Variants in FGF20 observed in about 807,000 individuals in gnomAD.
FGF20 encodes the protein fibroblast growth factor 20.
Under a neutral mutation model 16.7 loss-of-function variants are expected in FGF20, and 8 were observed. The observed-to-expected ratio is 0.48, with a 90% CI of 0.28 to 0.87. The LOEUF (loss-of-function observed/expected upper bound fraction) is 0.87. FGF20 is among the 40% of genes least tolerant of loss of function. The pLI is 0.10. For synonymous variants in FGF20, 161 were observed against 118.6 expected, an observed-to-expected ratio of 1.36 and a Z score of -2.32; for missense variants, 397 against 281.4, an observed-to-expected ratio of 1.41 and a Z score of -2.94.
Position 17,001,816 on chromosome 8 carries a change from T to C in FGF20, c.217A>G (p.Thr73Ala), listed in dbSNP as rs1402401757. Residue 73 changes from threonine to alanine, a missense_variant, in exon 1 of 3, where the codon ACC (threonine) becomes GCC (alanine). Physicochemically the swap from Thr to Ala is moderately conservative, Grantham distance 58. Coordinates refer to ENST00000180166, the MANE Select transcript of FGF20 (RefSeq NM_019851.3). Reference protein sequence around the residue: ...ILRRRQLYCRTGFHLQILPDG... With the variant: ...ILRRRQLYCRAGFHLQILPDG... The stretch of plus-strand genomic sequence containing the variant: ...GGCAGGATCTGCAGGTGGAAGCCGG[T>C]GCGGCAATAGAGCTGCCGGCGGCGC... 1.3e-6 allele frequency: 2 copies of C among 1,554,220 alleles called. No individual in the cohort carries two copies. The highest frequency in any genetic ancestry group is 2.6e-5 in the East Asian group (1 of 38,046).
chr8:17,001,409 G>A (rs1810177674), intron 1 of FGF20, among the ~76,000 whole-genome samples: 1 of 152,086 alleles, frequency 6.6e-6, no homozygotes, highest in South Asian at 2.1e-4. Context: ...CCGTGATGCC[G>A]AGTGCACCAG....
At chr8:16,999,696 T>TG (rs1810138256) in intron 1 of FGF20, among the ~76,000 whole-genome samples, 1 of 148,250 alleles carries the variant, frequency 6.7e-6, no homozygotes, top group African/African-American at 2.5e-5. Flanking sequence ...TAATTTTTTT[T>TG]TTTTTTTTGT....
At position 16,993,118 on chromosome 8, in the gene FGF20, G is replaced by T; in HGVS notation, c.590C>A (p.Pro197Gln). Reference sequence around the variant, plus strand: ...CTTGTACAATTCTGGAACTCTTTCTGGATCCACTGGTCTAGGTAAGAAATG... The same window carrying T: ...CTTGTACAATTCTGGAACTCTTTCTTGATCCACTGGTCTAGGTAAGAAATG... Reference protein sequence around the residue: ...FTHFLPRPVDPERVPELYKDL... With the variant: ...FTHFLPRPVDQERVPELYKDL... The change falls in exon 3 of 3, where the codon CCA (proline) becomes CAA (glutamine). Residue 197 changes from proline to glutamine, a missense_variant. Physicochemically the swap from Pro to Gln is moderately conservative, Grantham distance 76. Coordinates refer to ENST00000180166, the MANE Select transcript of FGF20 (RefSeq NM_019851.3). 1 of 1,613,978 alleles carries T rather than the reference G, an allele frequency of 6.2e-7. No homozygotes were observed. The highest frequency in any genetic ancestry group is 8.5e-7 in the Non-Finnish European group (1 of 1,179,952).
rs992812765 is a variant in FGF20 at position 17,001,904 on chromosome 8, C to T, written c.129G>A (p.Ala43=). 6.8e-7 allele frequency: 1 copy of T among 1,467,206 alleles called. No homozygotes were observed. The allele number at this position is 1,467,206 out of a possible 1,614,324, so 90.9% of individuals were successfully genotyped here. The change falls in exon 1 of 3, where the codon GCG becomes GCA. Residue 43 remains alanine (A), a synonymous_variant. Transcript: ENST00000180166. ...GCCCGCCGCGCGCGCTCCGCTCCGCCGCGCTCCTGCGCTCGCCCAGCAGCG... is the reference window on the plus strand; with the variant it reads ...GCCCGCCGCGCGCGCTCCGCTCCGCTGCGCTCCTGCGCTCGCCCAGCAGCG... ...RPPLLGERRS[A]AERSARGGPG...
chr8:16,993,707 T>A (rs1809974247), intron 2 of FGF20, among the ~76,000 whole-genome samples: 1 of 152,180 alleles, frequency 6.6e-6, no homozygotes, highest in Admixed American at 6.5e-5. Flanking sequence ...TAATATAGAA[T>A]CAGTGGGAGC....
chr8:16,997,032 T>C (rs1810068967), intron 1 of FGF20, among the ~76,000 whole-genome samples: 1 of 152,238 alleles, frequency 6.6e-6, no homozygotes, highest in South Asian at 2.1e-4. Flanking sequence ...TTAAATATGA[T>C]AGCCAAATAT....
intron 1 of FGF20, among the ~76,000 whole-genome samples, chr8:16,996,904 T>G (rs1203121707): frequency 6.6e-6 from 1 of 152,252 alleles, no homozygotes; most frequent in African/African-American, 2.4e-5. Context: ...CACTGTTTCT[T>G]GAGGACAATA....
rs745659538 is a variant in FGF20 at position 17,001,756 on chromosome 8, T to C, written c.277A>G (p.Ser93Gly). ...GSVQGTRQDH[S>G]LFGILEFISV... ...GGATGCTAGTACGTACCGAAGAGGC[T>C]GTGGTCCTGCCGGGTGCCCTGCACG... Residue 93 changes from serine (S) to glycine (G), a missense_variant, in exon 1 of 3, where the codon AGC becomes GGC. Ser to Gly is a moderately conservative substitution (Grantham distance 56). Coordinates refer to ENST00000180166, the MANE Select transcript of FGF20 (RefSeq NM_019851.3). 2 of 1,579,952 alleles carry C rather than the reference T, an allele frequency of 1.3e-6. No homozygotes were observed. Among genetic ancestry groups the C allele is most frequent in the South Asian group, 1.1e-5 (1 of 88,182 alleles).
intron 1 of FGF20, 146 bp from the exon 2 acceptor site, chr8:16,995,904 A>G (rs944708433): frequency 2.0e-5 from 10 of 508,326 alleles, no homozygotes; most frequent in Admixed American, 3.6e-5. Flanking sequence ...TGTACACTGG[A>G]AACAGCTATG....
intron 1 of FGF20, among the ~76,000 whole-genome samples, chr8:17,000,191 A>G (rs1810150390): frequency 6.6e-6 from 1 of 152,096 alleles, no homozygotes; most frequent in South Asian, 2.1e-4. Context: ...TTTAAAAACC[A>G]CTTTCTAAAA....
chr8:16,993,385 A>G lies in FGF20; in HGVS notation c.391-68T>C, dbSNP rs548949806. 4.6e-5 allele frequency: 66 copies of G among 1,420,928 alleles called. No homozygotes were observed. In the Middle Eastern group the frequency reaches 7.6e-4, roughly 16 times the overall value. The allele number at this position is 1,420,928 out of a possible 1,614,324, so 88.0% of individuals were successfully genotyped here. ...TTGAGATAATTTCCTTACAAGTTTCAACTCTATATTTTCATTTCTTTGCCT... is the reference window on the plus strand; with the variant it reads ...TTGAGATAATTTCCTTACAAGTTTCGACTCTATATTTTCATTTCTTTGCCT... On this transcript the variant is annotated intron_variant, in intron 2 of 2. Transcript: ENST00000180166.
chr8:16,997,324 C>T (rs963350744), intron 1 of FGF20, among the ~76,000 whole-genome samples: 1 of 152,100 alleles, frequency 6.6e-6, no homozygotes, highest in Admixed American at 6.6e-5. Flanking sequence ...CTACCTTCAC[C>T]CCTTCACCCC....
chr8:16,998,572 C>A (rs17515034), intron 1 of FGF20, among the ~76,000 whole-genome samples: 1 of 152,068 alleles, frequency 6.6e-6, no homozygotes, highest in East Asian at 1.9e-4. Context: ...TTTTCTAATG[C>A]CCAGTGTCCC....
At position 16,993,090 on chromosome 8, in the gene FGF20, GT is replaced by G; in HGVS notation, c.617del (p.Asp206AlafsTer3). ...TCGCACTTCAAGTGTACATCAGTAGGTCCTTGTACAATTCTGGAACTCTTTC... is the reference window on the plus strand; with the variant it reads ...TCGCACTTCAAGTGTACATCAGTAGGCCTTGTACAATTCTGGAACTCTTTC... ...DPERVPELYKDLLMYT is the reference protein window; with the variant it reads ...DPERVPELYKXLLMYT On this transcript the variant is annotated frameshift_variant, in exon 3 of 3. Coordinates refer to ENST00000180166, the MANE Select transcript of FGF20 (RefSeq NM_019851.3). LOFTEE classifies it high-confidence loss of function. The G allele has an allele frequency of 6.2e-7, 1 of 1,613,974 alleles. No individual in the cohort carries two copies. Among genetic ancestry groups the G allele is most frequent in the Non-Finnish European group, 8.5e-7 (1 of 1,179,960 alleles).
At chr8:16,994,735 C>A (rs1189709498) in intron 2 of FGF20, among the ~76,000 whole-genome samples, 1 of 152,108 alleles carries the variant, frequency 6.6e-6, no homozygotes, top group African/African-American at 2.4e-5. Flanking sequence ...CTTAATCATA[C>A]AAAGTCAATT....
rs1162134925 is a variant in FGF20 at position 16,995,723 on chromosome 8, C to T, written c.322G>A (p.Val108Ile). ...CCACTGTCCACACCTCTAATACTGA[C>T]CAGTCCCACTGCCACACTGATGAAT... ...LEFISVAVGL[V>I]SIRGVDSGLY... Residue 108 changes from valine (V) to isoleucine (I), a missense_variant, in exon 2 of 3, where the codon GTC becomes ATC. Physicochemically the swap from Val to Ile is conservative, Grantham distance 29. Coordinates refer to ENST00000180166, the MANE Select transcript of FGF20 (RefSeq NM_019851.3). 4.4e-6 allele frequency: 7 copies of T among 1,607,830 alleles called. No individual in the cohort carries two copies. Among genetic ancestry groups the T allele is most frequent in the Non-Finnish European group, 6.0e-6 (7 of 1,175,514 alleles).
intron 1 of FGF20, among the ~76,000 whole-genome samples, chr8:16,999,441 T>C (rs1053000302): frequency 6.6e-6 from 1 of 152,042 alleles, no homozygotes; most frequent in South Asian, 2.1e-4. Flanking sequence ...ATAGGGTCAG[T>C]CTTATAAACA....
chr8:17,000,539 A>C (rs1810158348), intron 1 of FGF20, among the ~76,000 whole-genome samples: 1 of 152,176 alleles, frequency 6.6e-6, no homozygotes, highest in South Asian at 2.1e-4. Flanking sequence ...TGTGGGTGAC[A>C]AATTAATGGT....
chr8:17,001,943 G>C lies in FGF20; in HGVS notation c.90C>G (p.Ala30=), dbSNP rs926243609. The C allele has an allele frequency of 3.3e-6, 5 of 1,498,000 alleles. No individual in the cohort carries two copies. The highest frequency in any genetic ancestry group is 1.8e-4 in the Middle Eastern group (1 of 5,702). 92.8% of individuals were successfully genotyped at this position (1,498,000 alleles called of 1,614,324 possible). Residue 30 remains alanine (A), a synonymous_variant, in exon 1 of 3, where the codon GCC becomes GCG. Coordinates refer to ENST00000180166, the MANE Select transcript of FGF20 (RefSeq NM_019851.3). ...CGCCCAGCAGCGGCGGCCGCTCCCCGGCAGGAGGCAACAGGAAATGCGAAC... is the reference window on the plus strand; with the variant it reads ...CGCCCAGCAGCGGCGGCCGCTCCCCCGCAGGAGGCAACAGGAAATGCGAAC... The part of the protein sequence containing the change: ...QVGSHFLLPP[A]GERPPLLGER...
Sources: allele counts gnomAD v4.1 joint callset (sites outside exome capture counted in the v4.1 genomes callset), GRCh38; gene constraint gnomAD v4.1.1; transcripts MANE v1.5; gene names NCBI Gene and HGNC (gene_info 2026-07-23, HGNC 2026-07-21).